The following BBS9 variants were observed in gnomAD, a reference collection of about 807,000 sequenced individuals.
The protein encoded by BBS9 is Bardet-Biedl syndrome 9, also known as protein PTHB1.
Under a neutral mutation model 117.7 loss-of-function variants are expected in BBS9, and 89 were observed. That is an observed-to-expected ratio of 0.76 (90% CI 0.64 to 0.90). The LOEUF is 0.90. BBS9 is among the 40% of genes least tolerant of loss of function. The pLI, the probability that BBS9 is intolerant of heterozygous loss-of-function variation, is 0.00. For synonymous variants in BBS9, 379 were observed against 370.9 expected, an observed-to-expected ratio of 1.02 and a Z score of -0.25; for missense variants, 982 against 1,042.2, an observed-to-expected ratio of 0.94 and a Z score of 0.80.
At chr7:33,459,874 A>G (rs982254792) in intron 19 of BBS9, among the ~76,000 whole-genome samples, 3 of 152,150 alleles carry the variant, frequency 2.0e-5, no homozygotes, top group African/African-American at 7.2e-5. Context: ...GTGTACTTTA[A>G]AAATTCTTTT....
intron 19 of BBS9, among the ~76,000 whole-genome samples, chr7:33,474,616 A>G (rs1284120203): frequency 6.6e-6 from 1 of 152,184 alleles, no homozygotes; most frequent in African/African-American, 2.4e-5. Flanking sequence ...AAAGGAGTAC[A>G]TCTCTTTCTG....
At chr7:33,448,956 C>T (rs916043789) in intron 19 of BBS9, among the ~76,000 whole-genome samples, 1 of 152,176 alleles carries the variant, frequency 6.6e-6, no homozygotes, top group Admixed American at 6.5e-5. Flanking sequence ...GGTATTATTA[C>T]CTGCATTTTG....
At chr7:33,397,839 A>G (rs574171755) in intron 19 of BBS9, among the ~76,000 whole-genome samples, 92 of 152,228 alleles carry the variant, frequency 6.0e-4, no homozygotes, top group African/African-American at 2.1e-3. Flanking sequence ...CAGGGGAGGG[A>G]GAGCATCAGG....
chr7:33,177,427 T>C (rs763503968), intron 4 of BBS9, 51 bp from the exon 5 acceptor site: 1 of 1,217,204 alleles, frequency 8.2e-7, no homozygotes, highest in South Asian at 1.2e-5. Context: ...AACAAATTAA[T>C]GTTTTTTAGT....
intron 19 of BBS9, among the ~76,000 whole-genome samples, chr7:33,492,742 A>G (rs1844163472): frequency 6.6e-6 from 1 of 151,554 alleles, no homozygotes; most frequent in Non-Finnish European, 1.5e-5. Context: ...GGAGTCATTT[A>G]TAGGTATTTC....
chr7:33,550,686 G>C (rs1854274193), intron 21 of BBS9, among the ~76,000 whole-genome samples: 2 of 152,026 alleles, frequency 1.3e-5, no homozygotes, highest in African/African-American at 4.8e-5. Context: ...ATTTTAGTGT[G>C]TTTATTCCAA....
At chr7:33,592,239 TG>T (rs1862043590) in intron 21 of BBS9, among the ~76,000 whole-genome samples, 1 of 152,214 alleles carries the variant, frequency 6.6e-6, no homozygotes, top group Non-Finnish European at 1.5e-5. Flanking sequence ...TAACATTTAC[TG>T]GGAGTCTTTC....
intron 9 of BBS9, among the ~76,000 whole-genome samples, chr7:33,298,043 T>C (rs563940025): frequency 6.6e-6 from 1 of 152,270 alleles, no homozygotes; most frequent in South Asian, 2.1e-4. Context: ...CTTTGAATTG[T>C]TAATTTGAGG....
At chr7:33,610,870 T>G (rs1025558751), downstream of BBS9, among the ~76,000 whole-genome samples, 3 of 152,096 alleles carry the variant, frequency 2.0e-5, no homozygotes, top group East Asian at 5.8e-4. Flanking sequence ...AAACAGCAAT[T>G]CTCTGTTCGC....
chr7:33,169,593 G>A (rs1163764190), intron 4 of BBS9, among the ~76,000 whole-genome samples: 1 of 149,472 alleles, frequency 6.7e-6, no homozygotes, highest in African/African-American at 2.5e-5. Context: ...GTGTTTTTTG[G>A]CTGCATAAAT....
At position 33,296,597 on chromosome 7, in the gene BBS9, C is replaced by A. The variant is rs1805319839; in HGVS notation, c.1016+22641C>A. ...CAAACTTGGCAATTCTCTCAGCTAG[C>A]CAGGGAAAACACTTGCAGGGTTCAT... On this transcript the variant is annotated intron_variant, in intron 9 of 22. Transcript: ENST00000242067. 2.0e-5 allele frequency among the ~76,000 whole-genome samples: 3 copies of A among 152,148 alleles called. No individual in the cohort carries two copies. The South Asian group carries it at 6.2e-4, about 32-fold the overall frequency.
chr7:33,462,339 TAA>T (rs1839587049), intron 19 of BBS9, among the ~76,000 whole-genome samples: 1 of 152,110 alleles, frequency 6.6e-6, no homozygotes, highest in Non-Finnish European at 1.5e-5. Context: ...AGGAAATATG[TAA>T]AGTTTTTTTG....
At chr7:33,428,216 T>C (rs1833917330) in intron 19 of BBS9, among the ~76,000 whole-genome samples, 1 of 152,178 alleles carries the variant, frequency 6.6e-6, no homozygotes, top group African/African-American at 2.4e-5. Context: ...GCAAATGAAA[T>C]ACCCAAGTAA....
intron 21 of BBS9, among the ~76,000 whole-genome samples, chr7:33,611,178 C>G (rs963645865): frequency 2.6e-5 from 4 of 151,982 alleles, no homozygotes; most frequent in Non-Finnish European, 5.9e-5. Context: ...TTTATTCCGT[C>G]TGGTACCAGT....
At chr7:33,592,071 A>G (rs1862013921) in intron 21 of BBS9, among the ~76,000 whole-genome samples, 1 of 152,056 alleles carries the variant, frequency 6.6e-6, no homozygotes, top group South Asian at 2.1e-4. Context: ...ACATTCCACC[A>G]CTGGTCTACT....
chr7:33,559,172 T>A (rs1024289360), intron 21 of BBS9, among the ~76,000 whole-genome samples: 3 of 152,216 alleles, frequency 2.0e-5, no homozygotes, highest in Non-Finnish European at 2.9e-5. Context: ...CACACTTATC[T>A]TCGTAGATGA....
At position 33,522,196 on chromosome 7, in the gene BBS9, G is replaced by A. The variant is rs1399045437; in HGVS notation, c.2299-11758G>A. ...ATTCTTTGCTATTGTGAATAATGCT[G>A]CAGTAAACATACCTGTGCATGTGTC... On this transcript the variant is annotated intron_variant, in intron 20 of 22. Coordinates refer to ENST00000242067, the MANE Select transcript of BBS9 (RefSeq NM_198428.3). 2.0e-5 allele frequency among the ~76,000 whole-genome samples: 3 copies of A among 152,056 alleles called. No homozygotes were observed. The East Asian group carries it at 5.8e-4, about 29-fold the overall frequency.
intron 21 of BBS9, among the ~76,000 whole-genome samples, chr7:33,542,790 TACACACACACAC>T (rs368494839): frequency 0.17 from 22,502 of 134,274 alleles, 2,110 homozygotes; most frequent in African/African-American, 0.25. Context: ...TATATATATG[TACACACACACAC>T]ACACACACAC....
intron 19 of BBS9, among the ~76,000 whole-genome samples, chr7:33,406,733 T>A (rs1264498765): frequency 6.6e-6 from 1 of 152,180 alleles, no homozygotes; most frequent in Non-Finnish European, 1.5e-5. Flanking sequence ...GGTTGACAGT[T>A]CTTTTCTTTA....
Sources: allele counts gnomAD v4.1 joint callset (sites outside exome capture counted in the v4.1 genomes callset), GRCh38; gene constraint gnomAD v4.1.1; transcripts MANE v1.5; gene names NCBI Gene and HGNC (gene_info 2026-07-23, HGNC 2026-07-21).